The following SGCZ variants were observed in gnomAD, a reference collection of about 807,000 sequenced individuals.
The protein encoded by SGCZ is zeta-sarcoglycan.
SGCZ carries 40 observed loss-of-function variants against 41.3 expected under a neutral mutation model. That is an observed-to-expected ratio of 0.97 (90% CI 0.75 to 1.26). The LOEUF (loss-of-function observed/expected upper bound fraction) is 1.26. Ranked by LOEUF, SGCZ falls within the 50% of genes most tolerant of loss-of-function variation. SGCZ has a pLI of 0.00. For synonymous variants in SGCZ, 206 were observed against 137.5 expected (o/e 1.50, Z -3.49); for missense variants, 552 against 369.8 (o/e 1.49, Z -4.04).
chr8:14,767,625 TA>T (rs1800082347), intron 1 of SGCZ, among the ~76,000 whole-genome samples: 1 of 152,224 alleles, frequency 6.6e-6, no homozygotes, highest in Non-Finnish European at 1.5e-5. Context: ...CCATTCTCTT[TA>T]TTTCAAACGA....
chr8:14,871,820 G>A (rs895490387), intron 1 of SGCZ, among the ~76,000 whole-genome samples: 1 of 149,170 alleles, frequency 6.7e-6, no homozygotes. Flanking sequence ...TATAATATGT[G>A]TGTGTATATA....
intron 1 of SGCZ, among the ~76,000 whole-genome samples, chr8:14,749,096 T>G (rs1563244380): frequency 6.6e-6 from 1 of 152,202 alleles, no homozygotes; most frequent in Non-Finnish European, 1.5e-5. Flanking sequence ...TGAATTAATC[T>G]TCTATTCATA....
intron 1 of SGCZ, among the ~76,000 whole-genome samples, chr8:14,799,739 TC>T (rs1801257574): frequency 6.6e-6 from 1 of 152,082 alleles, no homozygotes; most frequent in Non-Finnish European, 1.5e-5. Flanking sequence ...CTGAATCTAC[TC>T]CTTTGAAGCA....
At chr8:14,451,363 A>G (rs1016633059) in intron 2 of SGCZ, among the ~76,000 whole-genome samples, 1 of 152,204 alleles carries the variant, frequency 6.6e-6, no homozygotes, top group African/African-American at 2.4e-5. Flanking sequence ...TAGCAGTGAA[A>G]TCCAATCTTA....
intron 1 of SGCZ, among the ~76,000 whole-genome samples, chr8:14,918,940 A>G (rs1244528209): frequency 6.6e-6 from 1 of 152,224 alleles, no homozygotes; most frequent in East Asian, 1.9e-4. Flanking sequence ...TTTGGTTAAC[A>G]GCATAGACCC....
chr8:14,462,821 C>G (rs1800940287), intron 2 of SGCZ, among the ~76,000 whole-genome samples: 2 of 151,796 alleles, frequency 1.3e-5, no homozygotes, highest in South Asian at 4.2e-4. Context: ...ATACTGTCAT[C>G]TTAACAATAT....
intron 1 of SGCZ, among the ~76,000 whole-genome samples, chr8:15,127,253 CACAA>C (rs762287923): frequency 1.0e-4 from 1 of 9,970 alleles, no homozygotes; most frequent in African/African-American, 1.6e-4. Context: ...CACACACACA[CACAA>C]ACAAACACAC....
At chr8:14,887,698 A>G (rs1028532249) in intron 1 of SGCZ, among the ~76,000 whole-genome samples, 13 of 152,222 alleles carry the variant, frequency 8.5e-5, no homozygotes, top group Non-Finnish European at 1.9e-4. Context: ...AGCTGTAGCA[A>G]TATGACAGGA....
intron 1 of SGCZ, among the ~76,000 whole-genome samples, chr8:14,918,092 T>C (rs1004517781): frequency 6.6e-6 from 1 of 152,198 alleles, no homozygotes; most frequent in Non-Finnish European, 1.5e-5. Context: ...CCTACTTTCA[T>C]ACTTCAGATC....
chr8:14,751,262 T>C (rs1384694037), intron 1 of SGCZ, among the ~76,000 whole-genome samples: 4 of 152,210 alleles, frequency 2.6e-5, no homozygotes, highest in Non-Finnish European at 5.9e-5. Context: ...AAATGATACA[T>C]GTTCTCTACA....
intron 3 of SGCZ, among the ~76,000 whole-genome samples, chr8:14,320,422 G>C (rs1211451413): frequency 2.0e-5 from 3 of 151,182 alleles, no homozygotes; most frequent in African/African-American, 7.3e-5. Flanking sequence ...CCATGGCTTT[G>C]TGACTGAATT....
At chr8:14,190,414 T>C (rs1433224931) in intron 4 of SGCZ, among the ~76,000 whole-genome samples, 1 of 151,940 alleles carries the variant, frequency 6.6e-6, no homozygotes, top group East Asian at 1.9e-4. Flanking sequence ...GTGATATATA[T>C]ATATCACACT....
At chr8:14,163,610 C>T (rs1388020386) in intron 5 of SGCZ, among the ~76,000 whole-genome samples, 1 of 152,148 alleles carries the variant, frequency 6.6e-6, no homozygotes, top group Non-Finnish European at 1.5e-5. Context: ...AATTTGACCA[C>T]TAAAGTTATT....
chr8:14,534,759 T>A (rs546681608), intron 2 of SGCZ, among the ~76,000 whole-genome samples: 1 of 152,142 alleles, frequency 6.6e-6, no homozygotes, highest in East Asian at 1.9e-4. Flanking sequence ...AACTTTTATG[T>A]CTTTTTCAAT....
intron 2 of SGCZ, among the ~76,000 whole-genome samples, chr8:14,345,301 C>T (rs534705655): frequency 6.6e-6 from 1 of 152,062 alleles, no homozygotes; most frequent in African/African-American, 2.4e-5. Context: ...ATGTGAAACA[C>T]GTGGAACCTC....
chr8:15,210,408 T>C (rs1236214505), intron 1 of SGCZ, among the ~76,000 whole-genome samples: 1 of 152,162 alleles, frequency 6.6e-6, no homozygotes, highest in Admixed American at 6.6e-5. Flanking sequence ...GTTTCCGTAA[T>C]ACTGTTCCTT....
chr8:14,136,008 C>CA (rs1252895554), intron 5 of SGCZ, among the ~76,000 whole-genome samples: 2 of 151,860 alleles, frequency 1.3e-5, no homozygotes, highest in African/African-American at 4.8e-5. Flanking sequence ...CAAACCAGAC[C>CA]AAAAAAATAG....
chr8:15,072,484 T>A (rs1805392540), intron 1 of SGCZ, among the ~76,000 whole-genome samples: 1 of 152,154 alleles, frequency 6.6e-6, no homozygotes, highest in African/African-American at 2.4e-5. Context: ...TAAAAAGCTT[T>A]CATACTGCCT....
intron 1 of SGCZ, among the ~76,000 whole-genome samples, chr8:14,667,653 A>C (rs2117500512): frequency 6.6e-6 from 1 of 152,298 alleles, no homozygotes; most frequent in African/African-American, 2.4e-5. Context: ...AAATCTAATG[A>C]TTCCAGAATA....
Sources: allele counts gnomAD v4.1 joint callset (sites outside exome capture counted in the v4.1 genomes callset), GRCh38; gene constraint gnomAD v4.1.1; transcripts MANE v1.5; gene names NCBI Gene and HGNC (gene_info 2026-07-23, HGNC 2026-07-21).